The following DTNA variants were observed in gnomAD, a reference collection of about 807,000 sequenced individuals.
The protein encoded by DTNA is dystrobrevin alpha.
A neutral mutation model predicts 100.7 loss-of-function variants in DTNA; 43 were observed. The observed-to-expected ratio is 0.43, with a 90% CI of 0.33 to 0.55. The LOEUF is 0.55. Ranked by LOEUF, DTNA falls within the 20% of genes least tolerant of loss-of-function variation. DTNA has a pLI of 0.04. For synonymous variants in DTNA, 349 were observed against 347.9 expected, an observed-to-expected ratio of 1.00 and a Z score of -0.04; for missense variants, 798 against 953.9, an observed-to-expected ratio of 0.84 and a Z score of 2.15.
intron 3 of DTNA, among the ~76,000 whole-genome samples, chr18:34,772,134 A>C (rs912346231): frequency 6.6e-6 from 1 of 152,162 alleles, no homozygotes; most frequent in African/African-American, 2.4e-5. Flanking sequence ...ACATTGCACC[A>C]TCTTTTAGTC....
intron 17 of DTNA, chr18:34,867,432 G>A (rs2096717571): frequency 8.2e-7 from 1 of 1,226,238 alleles, no homozygotes; most frequent in Non-Finnish European, 1.0e-6. Context: ...AACACATACA[G>A]CCTGTATAAT....
At chr18:34,541,605 A>G (rs1266222502) in intron 1 of DTNA, among the ~76,000 whole-genome samples, 2 of 152,086 alleles carry the variant, frequency 1.3e-5, no homozygotes, top group Admixed American at 6.6e-5. Context: ...CTGTGAGTCA[A>G]TTAAACCACT....
chr18:34,866,031 C>A, intron 17 of DTNA: 1 of 1,509,646 alleles, frequency 6.6e-7, no homozygotes, highest in Non-Finnish European at 9.2e-7. Context: ...GTTTCCCCAT[C>A]TTGCGTTCCT....
chr18:34,871,108 C>T (rs1193135053), intron 17 of DTNA, among the ~76,000 whole-genome samples: 1 of 152,208 alleles, frequency 6.6e-6, no homozygotes, highest in South Asian at 2.1e-4. Flanking sequence ...CTCAGCCAAA[C>T]TGAGAGGCAG....
chr18:34,825,623 G>A (rs1288829967), intron 9 of DTNA, among the ~76,000 whole-genome samples: 1 of 152,136 alleles, frequency 6.6e-6, no homozygotes, highest in African/African-American at 2.4e-5. Flanking sequence ...TTTGGTGCCA[G>A]AGCTAGCCAT....
intron 19 of DTNA, among the ~76,000 whole-genome samples, chr18:34,878,723 A>G (rs1257340614): frequency 6.6e-6 from 1 of 152,236 alleles, no homozygotes; most frequent in Non-Finnish European, 1.5e-5. Context: ...GAGACTTTTT[A>G]TCCTTTTAAT....
intron 1 of DTNA, among the ~76,000 whole-genome samples, chr18:34,533,648 T>C (rs2043381852): frequency 1.3e-5 from 2 of 152,010 alleles, no homozygotes; most frequent in Admixed American, 6.6e-5. Flanking sequence ...TAGTCTTTTT[T>C]CTCAATAAAA....
At chr18:34,688,051 G>T (rs1240607499) in intron 1 of DTNA, among the ~76,000 whole-genome samples, 1 of 151,830 alleles carries the variant, frequency 6.6e-6, no homozygotes, top group Non-Finnish European at 1.5e-5. Flanking sequence ...ACATGAGATG[G>T]GTCTCCTGAA....
chr18:34,852,128 G>A (rs375696746), intron 15 of DTNA, among the ~76,000 whole-genome samples, 200 bp downstream of exon 15: 16 of 152,288 alleles, frequency 1.1e-4, no homozygotes, highest in Middle Eastern at 3.4e-3. Context: ...AACGGCGTGT[G>A]CATGTATGTG....
intron 1 of DTNA, among the ~76,000 whole-genome samples, chr18:34,607,211 TTCTC>T (rs1394957855): frequency 1.3e-5 from 2 of 152,254 alleles, no homozygotes; most frequent in Non-Finnish European, 2.9e-5. Context: ...GTCCTTAGAA[TTCTC>T]TATGATTACA....
At chr18:34,702,657 A>G (rs1442825953) in intron 1 of DTNA, among the ~76,000 whole-genome samples, 2 of 152,088 alleles carry the variant, frequency 1.3e-5, no homozygotes, top group Non-Finnish European at 2.9e-5. Context: ...AATAACTTGT[A>G]ATTTTCCACC....
intron 3 of DTNA, 69 bp from the exon 4 acceptor site, chr18:34,793,968 G>C: frequency 6.6e-7 from 1 of 1,512,006 alleles, no homozygotes; most frequent in Non-Finnish European, 9.1e-7. Context: ...CAGGACAGAG[G>C]GTCATGTAAA....
At chr18:34,875,210 C>G (rs772631021) in intron 17 of DTNA, 29 bp from the exon 18 acceptor site, 2 of 1,610,106 alleles carry the variant, frequency 1.2e-6, no homozygotes, top group Admixed American at 1.7e-5. Flanking sequence ...CTTGGGAAAG[C>G]AAATTAATGA....
At chr18:34,673,743 TC>T (rs1343879491) in intron 1 of DTNA, among the ~76,000 whole-genome samples, 1 of 152,238 alleles carries the variant, frequency 6.6e-6, no homozygotes, top group African/African-American at 2.4e-5. Context: ...TATATTTTTT[TC>T]CTGTTGACAG....
At chr18:34,845,001 G>T (rs1467126381) in intron 13 of DTNA, among the ~76,000 whole-genome samples, 1 of 152,148 alleles carries the variant, frequency 6.6e-6, no homozygotes, top group African/African-American at 2.4e-5. Context: ...GCAATCACTT[G>T]TTAATTCATC....
intron 1 of DTNA, among the ~76,000 whole-genome samples, chr18:34,680,780 T>C (rs2077994518): frequency 6.6e-6 from 1 of 152,184 alleles, no homozygotes; most frequent in Non-Finnish European, 1.5e-5. Flanking sequence ...GTGTAACAGT[T>C]ACTCTAGAAG....
rs2146453806 is a variant in DTNA at position 34,572,575 on chromosome 18, ACC to A, written c.-2+79064_-2+79065del. Among the ~76,000 whole-genome samples, 2 of 152,266 alleles carry A rather than the reference ACC, an allele frequency of 1.3e-5. 1 individual carries two copies. The highest frequency in any genetic ancestry group is 4.1e-4 in the South Asian group (2 of 4,822). Reference sequence around the variant, plus strand: ...GGAATGTGAGTTCAGGGCTTCTAGCACCCCGTACTCTTAGAAACTTAAGTGAG... The same window carrying A: ...GGAATGTGAGTTCAGGGCTTCTAGCACCGTACTCTTAGAAACTTAAGTGAG... On this transcript the variant is annotated intron_variant, in intron 1 of 19. Coordinates refer to the DTNA transcript ENST00000283365.
At chr18:34,677,953 T>C (rs2077590312) in intron 1 of DTNA, among the ~76,000 whole-genome samples, 1 of 152,216 alleles carries the variant, frequency 6.6e-6, no homozygotes, top group South Asian at 2.1e-4. Context: ...GAAAGAAGTA[T>C]AATTGACTCA....
intron 1 of DTNA, among the ~76,000 whole-genome samples, chr18:34,726,901 T>C (rs1453689260): frequency 6.6e-6 from 1 of 152,218 alleles, no homozygotes; most frequent in Non-Finnish European, 1.5e-5. Flanking sequence ...CCCTTAGCAC[T>C]GCCCTAGGAA....
Sources: gnomAD v4.1 joint callset for allele counts (sites outside exome capture counted in the v4.1 genomes callset) on GRCh38, gnomAD v4.1.1 for gene constraint, MANE v1.5 for transcripts, NCBI Gene and HGNC (gene_info 2026-07-23, HGNC 2026-07-21) for gene names.